The following RBMS3 variants were observed in gnomAD, a reference collection of about 807,000 sequenced individuals.
RBMS3 encodes the protein RNA binding motif single stranded interacting protein 3.
In RBMS3, 27 loss-of-function variants were observed where a neutral mutation model predicts 66.8. The ratio of observed to expected loss-of-function variants is 0.40; its 90% confidence interval spans 0.30 to 0.56. The LOEUF is 0.56. RBMS3 is among the 20% of genes least tolerant of loss of function. RBMS3 has a pLI of 0.40. For missense variants in RBMS3, 513 were observed against 549.5 expected (o/e 0.93, Z 0.66); for synonymous variants, 188 against 183.0 (o/e 1.03, Z -0.22).
intron 6 of RBMS3, among the ~76,000 whole-genome samples, chr3:29,827,903 A>T (rs2058250945): frequency 6.6e-6 from 1 of 152,180 alleles, no homozygotes; most frequent in Admixed American, 6.5e-5. Context: ...GGATCACAGT[A>T]AATGCTTCAC....
chr3:30,009,878 C>A lies in RBMS3; in HGVS notation c.*6016C>A, dbSNP rs1699913096. On this transcript the variant is annotated 3_prime_UTR_variant, in exon 15 of 15. Transcript: ENST00000383767. Reference sequence around the variant, plus strand: ...TTTCCTCCTCCCTCAAATATGTTATCTCTTCATATATAAAAAAATAAGTTA... The same window carrying A: ...TTTCCTCCTCCCTCAAATATGTTATATCTTCATATATAAAAAAATAAGTTA... 1 of 151,998 alleles carries A rather than the reference C, an allele frequency of 6.6e-6. No homozygotes were observed. Among genetic ancestry groups the A allele is most frequent in the African/African-American group, 2.4e-5 (1 of 41,394 alleles). 9.4% of individuals were successfully genotyped at this position (151,998 alleles called of 1,614,324 possible). A position where few individuals can be genotyped will look rare whatever the true frequency, so the allele number is the denominator to read the frequency against.
intron 1 of RBMS3, among the ~76,000 whole-genome samples, chr3:29,418,990 A>C (rs1291154827): frequency 1.3e-5 from 2 of 152,182 alleles, no homozygotes; most frequent in Non-Finnish European, 2.9e-5. Context: ...TGTGATACTT[A>C]AAACTGTCAC....
At chr3:29,866,077 T>TAAAAAAAACAAAAAAAAA (rs2059354120) in intron 6 of RBMS3, among the ~76,000 whole-genome samples, 1 of 105,600 alleles carries the variant, frequency 9.5e-6, no homozygotes, top group South Asian at 3.6e-4. Flanking sequence ...CACCAAATAC[T>TAAAAAAAACAAAAAAAAA]AAAAAAAAAA....
chr3:29,502,958 C>G (rs892555332), intron 3 of RBMS3, among the ~76,000 whole-genome samples: 1 of 152,038 alleles, frequency 6.6e-6, no homozygotes, highest in African/African-American at 2.4e-5. Flanking sequence ...GGCTTGCCTC[C>G]CATATTTGCT....
At chr3:29,940,582 A>T (rs1179038319) in intron 11 of RBMS3, among the ~76,000 whole-genome samples, 2 of 151,830 alleles carry the variant, frequency 1.3e-5, no homozygotes, top group African/African-American at 4.8e-5. Flanking sequence ...GGCTAAAGGA[A>T]TTGTATTGGG....
intron 3 of RBMS3, among the ~76,000 whole-genome samples, chr3:29,553,013 C>T (rs536432443): frequency 1.3e-5 from 2 of 152,176 alleles, no homozygotes; most frequent in South Asian, 2.1e-4. Context: ...TTGCAACCTG[C>T]GAATAGGCCT....
At chr3:29,414,258 A>G (rs772211779) in intron 1 of RBMS3, among the ~76,000 whole-genome samples, 6 of 152,232 alleles carry the variant, frequency 3.9e-5, no homozygotes, top group Non-Finnish European at 8.8e-5. Flanking sequence ...CCTGGTTAAC[A>G]AATTTTACAA....
chr3:29,705,123 C>T lies in RBMS3; in HGVS notation c.400-34597C>T, dbSNP rs774296100. On this transcript the variant is annotated intron_variant, in intron 4 of 14. Transcript: ENST00000383767. Reference sequence around the variant, plus strand: ...ACGATAGCTTTCTCGCCCATGTCCACGGTGAATAACAATCCTATTACACCT... The same window carrying T: ...ACGATAGCTTTCTCGCCCATGTCCATGGTGAATAACAATCCTATTACACCT... 8.5e-5 allele frequency among the ~76,000 whole-genome samples: 13 copies of T among 152,272 alleles called. No individual in the cohort carries two copies. The South Asian group carries it at 1.7e-3, about 19-fold the overall frequency.
chr3:29,597,575 T>G (rs1436310423), intron 4 of RBMS3, among the ~76,000 whole-genome samples: 2 of 152,154 alleles, frequency 1.3e-5, no homozygotes, highest in African/African-American at 4.8e-5. Flanking sequence ...CCGTGAAACT[T>G]AGAGTCTGCT....
chr3:29,325,788 C>A (rs369190290), intron 1 of RBMS3, among the ~76,000 whole-genome samples: 21 of 151,992 alleles, frequency 1.4e-4, no homozygotes, highest in African/African-American at 4.8e-4. Flanking sequence ...ACTAAAAAAC[C>A]ATTTCAAATA....
chr3:29,763,160 T>C (rs2055771211), intron 6 of RBMS3, among the ~76,000 whole-genome samples, 171 bp downstream of exon 6: 2 of 152,112 alleles, frequency 1.3e-5, no homozygotes, highest in South Asian at 2.1e-4. Flanking sequence ...CAAAAGCTTT[T>C]TGGTAATTCT....
chr3:29,923,033 A>C (rs973986959), intron 10 of RBMS3, among the ~76,000 whole-genome samples: 1 of 152,228 alleles, frequency 6.6e-6, no homozygotes, highest in Non-Finnish European at 1.5e-5. Flanking sequence ...TTGCTTCATT[A>C]TCCCTTAATC....
intron 2 of RBMS3, among the ~76,000 whole-genome samples, chr3:29,463,457 G>A (rs2042434826): frequency 6.6e-6 from 1 of 152,064 alleles, no homozygotes; most frequent in Non-Finnish European, 1.5e-5. Flanking sequence ...TCAGAGACAA[G>A]GTATGTTCCT....
At chr3:29,479,326 A>G (rs968786227) in intron 2 of RBMS3, among the ~76,000 whole-genome samples, 1 of 150,338 alleles carries the variant, frequency 6.7e-6, no homozygotes, top group African/African-American at 2.4e-5. Context: ...ATAATATACA[A>G]TGTATATATA....
intron 10 of RBMS3, among the ~76,000 whole-genome samples, chr3:29,912,205 C>T (rs186636349): frequency 7.5e-4 from 114 of 151,990 alleles, no homozygotes; most frequent in Middle Eastern, 3.4e-3. Flanking sequence ...CCATATAGTT[C>T]GCAATATTTC....
chr3:29,613,949 CAT>C (rs2048573594), intron 4 of RBMS3, among the ~76,000 whole-genome samples: 1 of 151,922 alleles, frequency 6.6e-6, no homozygotes, highest in South Asian at 2.1e-4. Context: ...ATTGAACTAC[CAT>C]GTGATCCAGC....
intron 3 of RBMS3, among the ~76,000 whole-genome samples, chr3:29,534,087 T>TAA (rs2045464545): frequency 6.6e-6 from 1 of 152,172 alleles, no homozygotes; most frequent in African/African-American, 2.4e-5. Context: ...ACTTCATGAG[T>TAA]AAAGTTTCCT....
intron 4 of RBMS3, among the ~76,000 whole-genome samples, chr3:29,594,017 A>G (rs1218366350): frequency 6.6e-6 from 1 of 152,208 alleles, no homozygotes; most frequent in East Asian, 1.9e-4. Context: ...TAATCACGTG[A>G]CATTTGAACA....
chr3:29,958,319 T>A (rs926872737), intron 12 of RBMS3, among the ~76,000 whole-genome samples: 4 of 152,174 alleles, frequency 2.6e-5, no homozygotes, highest in Non-Finnish European at 5.9e-5. Context: ...TTCTTTTTTG[T>A]TGTTCCTGTC....
Sources: gnomAD v4.1 joint callset for allele counts (sites outside exome capture counted in the v4.1 genomes callset) on GRCh38, gnomAD v4.1.1 for gene constraint, MANE v1.5 for transcripts, NCBI Gene and HGNC (gene_info 2026-07-23, HGNC 2026-07-21) for gene names.